ST8SIA4: variants seen among roughly 807,000 people sequenced by gnomAD.
ST8SIA4 encodes the protein CMP-N-acetylneuraminate-poly-alpha-2,8-sialyltransferase.
In ST8SIA4, 15 loss-of-function variants were observed where a neutral mutation model predicts 33.9. That is an observed-to-expected ratio of 0.44 (90% confidence interval 0.30 to 0.68). The LOEUF (loss-of-function observed/expected upper bound fraction) is 0.68. Among genes scored for constraint, ST8SIA4 ranks in the 30% least tolerant of loss-of-function variants. ST8SIA4 has a pLI of 0.10. For missense variants in ST8SIA4, 321 were observed against 428.0 expected, an observed-to-expected ratio of 0.75 and a Z score of 2.21; for synonymous variants, 171 against 151.2, an observed-to-expected ratio of 1.13 and a Z score of -0.96.
At chr5:100,860,994 A>G (rs1045939681) in intron 3 of ST8SIA4, among the ~76,000 whole-genome samples, 9 of 152,202 alleles carry the variant, frequency 5.9e-5, no homozygotes, top group African/African-American at 2.2e-4. Context: ...CTTGATAGAC[A>G]GGATTTCAAA....
At chr5:100,840,616 C>G (rs1330485177) in intron 4 of ST8SIA4, among the ~76,000 whole-genome samples, 4 of 151,666 alleles carry the variant, frequency 2.6e-5, no homozygotes, top group African/African-American at 9.7e-5. Context: ...TTGAATAAGG[C>G]AAAGTCATTT....
chr5:100,897,293 G>A (rs568451083), intron 1 of ST8SIA4, among the ~76,000 whole-genome samples: 1 of 152,072 alleles, frequency 6.6e-6, no homozygotes, highest in Non-Finnish European at 1.5e-5. Context: ...GATGCTGGCA[G>A]ATACCTGTAA....
intron 3 of ST8SIA4, among the ~76,000 whole-genome samples, chr5:100,863,197 A>G (rs1019266159): frequency 4.6e-5 from 7 of 152,246 alleles, no homozygotes; most frequent in African/African-American, 1.7e-4. Context: ...AAAAGCCACC[A>G]AAGAAAACAG....
chr5:100,884,594 G>T (rs1178344974), intron 3 of ST8SIA4, among the ~76,000 whole-genome samples: 1 of 152,152 alleles, frequency 6.6e-6, no homozygotes, highest in Non-Finnish European at 1.5e-5. Context: ...ATGAAGCAAG[G>T]TTGGCCACCA....
intron 4 of ST8SIA4, among the ~76,000 whole-genome samples, chr5:100,838,114 C>T (rs574382991): frequency 5.3e-5 from 8 of 151,874 alleles, no homozygotes; most frequent in Admixed American, 2.0e-4. Flanking sequence ...TGAGACAAAG[C>T]GGTACATGGG....
intron 4 of ST8SIA4, among the ~76,000 whole-genome samples, chr5:100,831,094 T>C (rs1460713561): frequency 6.6e-6 from 1 of 152,220 alleles, no homozygotes; most frequent in Non-Finnish European, 1.5e-5. Flanking sequence ...ATAGCTAGCT[T>C]GCCAGAGGTA....
intron 1 of ST8SIA4, among the ~76,000 whole-genome samples, chr5:100,901,796 G>C (rs2112490273): frequency 6.6e-6 from 1 of 152,288 alleles, no homozygotes; most frequent in South Asian, 2.1e-4. Context: ...GGAATATTAA[G>C]AAATGGAGTG....
At chr5:100,866,578 T>TCACACA (rs141002831) in intron 3 of ST8SIA4, among the ~76,000 whole-genome samples, 72 of 146,492 alleles carry the variant, frequency 4.9e-4, no homozygotes, top group African/African-American at 9.8e-4. Flanking sequence ...CTTCTAAATT[T>TCACACA]CACACACACA....
At chr5:100,894,951 C>T (rs1282136698) in intron 2 of ST8SIA4, among the ~76,000 whole-genome samples, 1 of 152,008 alleles carries the variant, frequency 6.6e-6, no homozygotes, top group Non-Finnish European at 1.5e-5. Flanking sequence ...CCAACCAATA[C>T]AGTAATGCAA....
At chr5:100,830,266 A>C (rs988422920) in intron 4 of ST8SIA4, among the ~76,000 whole-genome samples, 3 of 152,204 alleles carry the variant, frequency 2.0e-5, no homozygotes, top group African/African-American at 7.2e-5. Flanking sequence ...TTCAAAGCCT[A>C]GTGTTACCAC....
chr5:100,838,531 G>T (rs76232385), intron 4 of ST8SIA4, among the ~76,000 whole-genome samples: 5,060 of 151,614 alleles, frequency 0.033, 124 homozygotes, highest in Non-Finnish European at 0.051. Flanking sequence ...ATACATCTTG[G>T]CCAGAAGTAA....
chr5:100,814,707 ATGT>A (rs1271734255), intron 4 of ST8SIA4, among the ~76,000 whole-genome samples: 3 of 151,940 alleles, frequency 2.0e-5, no homozygotes, highest in Non-Finnish European at 2.9e-5. Context: ...TATCAACCTA[ATGT>A]TGTGTTTGAA....
chr5:100,808,455 A>T lies in ST8SIA4; in HGVS notation c.*3392T>A, dbSNP rs1750738431. ...CTTTTTATTTCAGCAACTTAACATT[A>T]ACTACAGCACAGGCTGAATAATAAT... is the stretch of plus-strand genomic sequence containing the variant. On this transcript the variant is annotated 3_prime_UTR_variant, in exon 5 of 5. Transcript: ENST00000231461. 6.5e-6 allele frequency: 1 copy of T among 152,768 alleles called. No homozygotes were observed. The highest frequency in any genetic ancestry group is 1.5e-5 in the Non-Finnish European group (1 of 68,030). 9.5% of individuals were successfully genotyped at this position (152,768 alleles called of 1,614,324 possible). A position where few individuals can be genotyped will look rare whatever the true frequency, so the allele number is the denominator to read the frequency against.
At chr5:100,900,378 A>C in intron 1 of ST8SIA4, 1 of 455,970 alleles carries the variant, frequency 2.2e-6, no homozygotes, top group Non-Finnish European at 4.4e-6. Flanking sequence ...CAAAACTCAA[A>C]ACTGGCCTCT....
In ST8SIA4 at chr5:100,840,800, T is replaced by C. The variant is rs576184672; in HGVS notation, c.797+15303A>G. 2.0e-5 allele frequency among the ~76,000 whole-genome samples: 3 copies of C among 149,736 alleles called. No homozygotes were observed. The East Asian group carries it at 5.9e-4, about 29-fold the overall frequency. On this transcript the variant is annotated intron_variant, in intron 4 of 4. Coordinates refer to ENST00000231461, the MANE Select transcript of ST8SIA4 (RefSeq NM_005668.6). The stretch of plus-strand genomic sequence containing the variant: ...TTAAGAATATAAGAAAAAAAAAAAG[T>C]CCCCAAAGTTTTCTTATTACATATA...
intron 3 of ST8SIA4, chr5:100,886,134 T>C (rs1752530576): frequency 7.4e-7 from 1 of 1,349,366 alleles, no homozygotes; most frequent in South Asian, 1.8e-5. Flanking sequence ...CTTGTTGCTA[T>C]GACAGGATCA....
intron 4 of ST8SIA4, among the ~76,000 whole-genome samples, chr5:100,815,167 G>A (rs1316429101): frequency 6.6e-6 from 1 of 151,620 alleles, no homozygotes; most frequent in African/African-American, 2.4e-5. Flanking sequence ...TATGTAAATT[G>A]ATTTTTTTGA....
chr5:100,891,044 CT>C (rs1204088634), intron 2 of ST8SIA4, among the ~76,000 whole-genome samples: 1 of 151,818 alleles, frequency 6.6e-6, no homozygotes, highest in Non-Finnish European at 1.5e-5. Flanking sequence ...CAAGTTTTCA[CT>C]CGTGAAATGT....
chr5:100,838,763 A>G (rs1303674474), intron 4 of ST8SIA4, among the ~76,000 whole-genome samples: 3 of 152,086 alleles, frequency 2.0e-5, no homozygotes, highest in Non-Finnish European at 4.4e-5. Context: ...AACACTGTAG[A>G]TGCTTAGAAG....
Sources: allele counts gnomAD v4.1 joint callset (sites outside exome capture counted in the v4.1 genomes callset), GRCh38; gene constraint gnomAD v4.1.1; transcripts MANE v1.5; gene names NCBI Gene and HGNC (gene_info 2026-07-23, HGNC 2026-07-21).